Variants in CADPS2 observed in about 807,000 individuals in gnomAD.
The protein encoded by CADPS2 is calcium dependent secretion activator 2.
A neutral mutation model predicts 172.5 loss-of-function variants in CADPS2; 93 were observed. The observed-to-expected ratio is 0.54, with a 90% CI of 0.46 to 0.64. CADPS2 has a LOEUF of 0.64. Ranked by LOEUF, CADPS2 falls within the 30% of genes least tolerant of loss-of-function variation. The pLI is 0.00. For synonymous variants in CADPS2, 546 were observed against 555.2 expected (o/e 0.98, Z 0.23); for missense variants, 1,420 against 1,565.9 (o/e 0.91, Z 1.57).
intron 8 of CADPS2, among the ~76,000 whole-genome samples, chr7:122,529,840 G>A (rs1223980982): frequency 6.6e-6 from 1 of 151,988 alleles, no homozygotes; most frequent in Non-Finnish European, 1.5e-5. Context: ...CTGCTTTTCA[G>A]GGAGATACAT....
intron 8 of CADPS2, among the ~76,000 whole-genome samples, chr7:122,549,646 ATAT>A (rs916714578): frequency 4.6e-5 from 7 of 151,002 alleles, no homozygotes; most frequent in East Asian, 3.9e-4. Context: ...GTATTAATTA[ATAT>A]TATTATTATT....
intron 1 of CADPS2, among the ~76,000 whole-genome samples, chr7:122,848,290 G>C (rs1312092107): frequency 6.6e-6 from 1 of 152,180 alleles, no homozygotes; most frequent in South Asian, 2.1e-4. Flanking sequence ...AGAGCCCACA[G>C]AGGTCACTGC....
intron 11 of CADPS2, among the ~76,000 whole-genome samples, chr7:122,487,501 A>G (rs2057938763): frequency 6.6e-6 from 1 of 152,196 alleles, no homozygotes; most frequent in African/African-American, 2.4e-5. Context: ...AGAGATACAT[A>G]ACCAAAGAAT....
intron 2 of CADPS2, among the ~76,000 whole-genome samples, chr7:122,705,692 TTA>T (rs541938526): frequency 1.4e-5 from 1 of 69,442 alleles, no homozygotes; most frequent in African/African-American, 5.5e-5. Flanking sequence ...ATATCACATA[TTA>T]TATATAATAT....
chr7:122,801,270 A>T (rs1178040197), intron 1 of CADPS2, among the ~76,000 whole-genome samples: 1 of 152,206 alleles, frequency 6.6e-6, no homozygotes, highest in Non-Finnish European at 1.5e-5. Context: ...AATGTACGTT[A>T]TAAGAAATGC....
At chr7:122,732,384 A>C (rs78114414) in intron 2 of CADPS2, among the ~76,000 whole-genome samples, 2,293 of 151,416 alleles carry the variant, frequency 0.015, 57 homozygotes, top group African/African-American at 0.053. Context: ...ATAGACCTAC[A>C]ATCAAGATGG....
At chr7:122,720,795 G>A (rs1339126814) in intron 2 of CADPS2, among the ~76,000 whole-genome samples, 4 of 151,824 alleles carry the variant, frequency 2.6e-5, no homozygotes, top group Non-Finnish European at 4.4e-5. Context: ...TAGAAACAAC[G>A]ATGAGAGTTA....
intron 2 of CADPS2, among the ~76,000 whole-genome samples, chr7:122,731,469 G>A: frequency 6.6e-6 from 1 of 151,772 alleles, no homozygotes; most frequent in African/African-American, 2.4e-5. Context: ...AGATATCTGA[G>A]GGGAAGAATA....
At chr7:122,537,132 C>A (rs377574360) in intron 8 of CADPS2, among the ~76,000 whole-genome samples, 8 of 150,832 alleles carry the variant, frequency 5.3e-5, no homozygotes, top group East Asian at 2.0e-4. Flanking sequence ...AAAAGTTTAC[C>A]TATGTAACAA....
intron 2 of CADPS2, among the ~76,000 whole-genome samples, chr7:122,703,477 A>C (rs1564113271): frequency 6.6e-6 from 1 of 152,130 alleles, no homozygotes. Flanking sequence ...AAGATCCAAC[A>C]CTAAGAAAAC....
chr7:122,723,170 A>G (rs2137174858), intron 2 of CADPS2, among the ~76,000 whole-genome samples: 1 of 152,310 alleles, frequency 6.6e-6, no homozygotes, highest in Admixed American at 6.5e-5. Context: ...AAAAGCCAAA[A>G]TTGACAAATG....
At chr7:122,538,841 C>T (rs528403399) in intron 8 of CADPS2, among the ~76,000 whole-genome samples, 10 of 151,872 alleles carry the variant, frequency 6.6e-5, no homozygotes, top group Admixed American at 2.0e-4. Flanking sequence ...CTATTTATAA[C>T]GATGGGAGTT....
intron 25 of CADPS2, 110 bp downstream of exon 25, chr7:122,379,258 C>T: frequency 1.5e-6 from 1 of 670,406 alleles, no homozygotes; most frequent in South Asian, 2.8e-5. Context: ...TTTTCCTGCC[C>T]TAATCTTTTA....
chr7:122,491,216 A>G, intron 10 of CADPS2, 96 bp downstream of exon 10: 1 of 692,280 alleles, frequency 1.4e-6, no homozygotes, highest in Non-Finnish European at 2.3e-6. Context: ...CACCCTATTC[A>G]TCGAGAGGGG....
intron 2 of CADPS2, among the ~76,000 whole-genome samples, chr7:122,700,467 C>T (rs950323528): frequency 2.6e-5 from 4 of 152,142 alleles, no homozygotes; most frequent in African/African-American, 7.2e-5. Context: ...CATCCCTGCA[C>T]ATTTTAAAAG....
chr7:122,705,754 A>T (rs1161578084), intron 2 of CADPS2, among the ~76,000 whole-genome samples: 2 of 5,592 alleles, frequency 3.6e-4, no homozygotes, highest in Non-Finnish European at 8.4e-4. Flanking sequence ...TAATATATAT[A>T]ATATATAATA....
intron 1 of CADPS2, among the ~76,000 whole-genome samples, chr7:122,878,625 G>T (rs911569743): frequency 6.8e-6 from 1 of 147,192 alleles, no homozygotes; most frequent in Admixed American, 6.9e-5. Context: ...GGGCGACAGA[G>T]CAAGACTCTG....
intron 28 of CADPS2, among the ~76,000 whole-genome samples, chr7:122,340,855 T>TA (rs5887084): frequency 0.18 from 25,260 of 137,634 alleles, 2,605 homozygotes; most frequent in East Asian, 0.42. Context: ...CCTTATGTGT[T>TA]AAAAAAAAAA....
At chr7:122,578,405 G>A (rs73433787) in intron 7 of CADPS2, among the ~76,000 whole-genome samples, 4,321 of 152,226 alleles carry the variant, frequency 0.028, 79 homozygotes, top group South Asian at 0.055. Flanking sequence ...AGGAAAGAAT[G>A]ACAGTAGGCA....
Sources: gnomAD v4.1 joint callset for allele counts (sites outside exome capture counted in the v4.1 genomes callset) on GRCh38, gnomAD v4.1.1 for gene constraint, MANE v1.5 for transcripts, NCBI Gene and HGNC (gene_info 2026-07-23, HGNC 2026-07-21) for gene names.